DOK6: variants seen among roughly 807,000 people sequenced by gnomAD.
DOK6 encodes docking protein 6.
DOK6 carries 22 observed loss-of-function variants against 44.0 expected under a neutral mutation model. The ratio of observed to expected loss-of-function variants is 0.50; its 90% CI spans 0.36 to 0.71. The LOEUF (loss-of-function observed/expected upper bound fraction) is 0.71, where lower values mean the gene tolerates loss of function less well. Among genes scored for constraint, DOK6 ranks in the 30% least tolerant of loss-of-function variants. The probability of loss-of-function intolerance (pLI) is 0.00; values close to 1 mark genes in which losing one functional copy is unlikely to be tolerated. For synonymous variants in DOK6, 166 were observed against 145.5 expected, an observed-to-expected ratio of 1.14 and a Z score of -1.01; for missense variants, 340 against 416.4, an observed-to-expected ratio of 0.82 and a Z score of 1.60.
At chr18:69,648,440 T>C (rs1320068390) in intron 3 of DOK6, among the ~76,000 whole-genome samples, 1 of 152,188 alleles carries the variant, frequency 6.6e-6, no homozygotes, top group Non-Finnish European at 1.5e-5. Flanking sequence ...CCTCTGAACC[T>C]AAAATATTTT....
chr18:69,530,221 C>G (rs1981946735), intron 1 of DOK6, among the ~76,000 whole-genome samples: 1 of 152,122 alleles, frequency 6.6e-6, no homozygotes, highest in African/African-American at 2.4e-5. Flanking sequence ...CTTTTAAATA[C>G]CACACTATGT....
chr18:69,687,610 A>C (rs1986180900), intron 4 of DOK6, among the ~76,000 whole-genome samples: 1 of 152,180 alleles, frequency 6.6e-6, no homozygotes, highest in African/African-American at 2.4e-5. Flanking sequence ...TGAGCCCAAG[A>C]GGCAGAGGTT....
Position 69,643,056 on chromosome 18 carries a change from T to A in DOK6, c.290-34678T>A, listed in dbSNP as rs149963500. Among the ~76,000 whole-genome samples, 120 of 152,342 alleles carry A rather than the reference T, an allele frequency of 7.9e-4. 1 individual carries two copies. In the East Asian group the frequency reaches 0.019, roughly 24 times the overall value. ...TACATACTTTGTTTCCCAATCTTTG[T>A]ATCATTATGGCCCTATGGATTCTTT... On this transcript the variant is annotated intron_variant, in intron 3 of 7. Coordinates refer to ENST00000382713, the MANE Select transcript of DOK6 (RefSeq NM_152721.6).
chr18:69,476,075 C>T (rs12967769), intron 1 of DOK6, among the ~76,000 whole-genome samples: 33,225 of 151,494 alleles, frequency 0.22, 3,884 homozygotes, highest in Non-Finnish European at 0.26. Context: ...CCAGCGTCTG[C>T]TGTTGCCGTC....
intron 1 of DOK6, among the ~76,000 whole-genome samples, chr18:69,440,324 C>T (rs1262906882): frequency 6.6e-6 from 1 of 151,996 alleles, no homozygotes; most frequent in Non-Finnish European, 1.5e-5. Flanking sequence ...TGAGAATTAC[C>T]AAAATGTGAC....
chr18:69,647,131 TCTATCTATCTACC>T (rs201667439), intron 3 of DOK6, among the ~76,000 whole-genome samples: 10,571 of 150,210 alleles, frequency 0.07, 425 homozygotes, highest in Admixed American at 0.1. Context: ...GTCTATCCTG[TCTATCTATCTACC>T]CTATCCATCT....
intron 1 of DOK6, among the ~76,000 whole-genome samples, chr18:69,405,592 T>TAAAATAAAATAAAATA (rs1916190972): frequency 2.7e-5 from 4 of 149,666 alleles, no homozygotes; most frequent in Admixed American, 2.0e-4. Flanking sequence ...AATAACTAAC[T>TAAAATAAAATAAAATA]AAATAAAATA....
chr18:69,781,261 A>G (rs1980258256), intron 7 of DOK6: 1 of 152,196 alleles, frequency 6.6e-6, no homozygotes, highest in South Asian at 2.1e-4. Context: ...AAGATTGTCT[A>G]GTTGGTAAGC....
intron 1 of DOK6, among the ~76,000 whole-genome samples, chr18:69,528,741 A>C (rs1042473680): frequency 2.6e-5 from 4 of 152,190 alleles, no homozygotes; most frequent in African/African-American, 9.7e-5. Context: ...AATCTTCAGC[A>C]CAGTCATGTC....
chr18:69,553,650 T>A (rs1282724673), intron 1 of DOK6, among the ~76,000 whole-genome samples: 1 of 152,184 alleles, frequency 6.6e-6, no homozygotes, highest in East Asian at 1.9e-4. Context: ...GCTCAACAAG[T>A]GTGGATTTAA....
At chr18:69,621,515 G>A (rs1242656212) in intron 3 of DOK6, among the ~76,000 whole-genome samples, 1 of 152,164 alleles carries the variant, frequency 6.6e-6, no homozygotes, top group Non-Finnish European at 1.5e-5. Context: ...GGAAACAAGA[G>A]GGATGACTGA....
intron 3 of DOK6, among the ~76,000 whole-genome samples, chr18:69,645,934 T>C (rs1378983556): frequency 6.6e-6 from 1 of 152,176 alleles, no homozygotes; most frequent in African/African-American, 2.4e-5. Flanking sequence ...ACTACTGTCT[T>C]ATTTTGTATT....
At position 69,611,101 on chromosome 18, in the gene DOK6, GAA is replaced by G. The variant is rs890392652; in HGVS notation, c.289+11605_289+11606del. Among the ~76,000 whole-genome samples the G allele has an allele frequency of 2.0e-3, 33 of 16,594 alleles. No individual in the cohort carries two copies. The Non-Finnish European group carries it at 0.064, about 32-fold the overall frequency. The allele number at this position is 16,594 out of a possible 152,430, so 10.9% of individuals were successfully genotyped here. On this transcript the variant is annotated intron_variant, in intron 3 of 7. Transcript: ENST00000382713. ...CCATAAAAATTAAAATTACAAAAAA[GAA>G]AGAAGATAAAATGAGCAAAAGAAAA...
At chr18:69,435,173 T>C (rs1181236179) in intron 1 of DOK6, among the ~76,000 whole-genome samples, 5 of 152,136 alleles carry the variant, frequency 3.3e-5, no homozygotes, top group Non-Finnish European at 2.9e-5. Flanking sequence ...TGCTCCACAG[T>C]TGAGCTCTGG....
intron 6 of DOK6, among the ~76,000 whole-genome samples, chr18:69,754,585 A>G (rs1979295462): frequency 6.6e-6 from 1 of 152,092 alleles, no homozygotes; most frequent in South Asian, 2.1e-4. Flanking sequence ...ACAGAAATTT[A>G]TTTTCTCAGT....
At chr18:69,759,353 A>G (rs1235562639) in intron 7 of DOK6, among the ~76,000 whole-genome samples, 1 of 152,196 alleles carries the variant, frequency 6.6e-6, no homozygotes, top group Non-Finnish European at 1.5e-5. Context: ...TAAGATTTTT[A>G]TTTAAACATA....
At chr18:69,663,721 T>C (rs559841063) in intron 3 of DOK6, among the ~76,000 whole-genome samples, 3 of 152,270 alleles carry the variant, frequency 2.0e-5, no homozygotes, top group East Asian at 1.9e-4. Flanking sequence ...TTGAACAATA[T>C]TTTGGAACCA....
chr18:69,487,177 ATGTGTGTGTGTGTG>A (rs5825940), intron 1 of DOK6, among the ~76,000 whole-genome samples: 3,860 of 140,460 alleles, frequency 0.027, 60 homozygotes, highest in Middle Eastern at 0.057. Flanking sequence ...CTGATAGGAT[ATGTGTGTGTGTGTG>A]TGTGTGTGTG....
chr18:69,446,775 T>C (rs760349751), intron 1 of DOK6, among the ~76,000 whole-genome samples: 3 of 152,178 alleles, frequency 2.0e-5, no homozygotes, highest in Non-Finnish European at 4.4e-5. Flanking sequence ...GGTATCTCAT[T>C]GTGGTTTTGA....
Sources: allele counts gnomAD v4.1 joint callset (sites outside exome capture counted in the v4.1 genomes callset), GRCh38; gene constraint gnomAD v4.1.1; transcripts MANE v1.5; gene names NCBI Gene and HGNC (gene_info 2026-07-23, HGNC 2026-07-21).